Variants in OAS1 observed in about 807,000 individuals in gnomAD.
The protein encoded by OAS1 is 2'-5'-oligoadenylate synthetase 1.
Under a neutral mutation model 38.5 loss-of-function variants are expected in OAS1, and 24 were observed. The ratio of observed to expected loss-of-function variants is 0.62; its 90% CI spans 0.45 to 0.88. OAS1 has a LOEUF of 0.88. OAS1 is among the 40% of genes least tolerant of loss of function. The pLI is 0.00. For missense variants in OAS1, 482 were observed against 493.9 expected, an observed-to-expected ratio of 0.98 and a Z score of 0.23; for synonymous variants, 169 against 193.9, an observed-to-expected ratio of 0.87 and a Z score of 1.07.
intron 5 of OAS1, chr12:112,919,023 T>C: frequency 3.5e-6 from 1 of 286,486 alleles, no homozygotes; most frequent in Non-Finnish European, 6.8e-6. Flanking sequence ...TGAACAGGGA[T>C]GCAGAGCGAA....
intron 1 of OAS1, among the ~76,000 whole-genome samples, 163 bp from the exon 2 acceptor site, chr12:112,908,373 C>T (rs1040820557): frequency 6.6e-6 from 1 of 152,158 alleles, no homozygotes; most frequent in Non-Finnish European, 1.5e-5. Flanking sequence ...ATGATAATGG[C>T]ATCCAAATCA....
At chr12:112,917,051 A>G in intron 4 of OAS1, 1 of 368,242 alleles carries the variant, frequency 2.7e-6, no homozygotes, top group Non-Finnish European at 5.0e-6. Context: ...AGCAGCAACA[A>G]CAATGATAGT....
downstream of OAS1, among the ~76,000 whole-genome samples, chr12:112,922,077 G>A (rs140463327): frequency 5.6e-3 from 846 of 152,226 alleles, 9 homozygotes; most frequent in Admixed American, 0.013. Context: ...ATCTGATGAC[G>A]CTTTTCGTTA....
At chr12:112,907,829 G>A (rs1054188881) in intron 1 of OAS1, 1 of 152,482 alleles carries the variant, frequency 6.6e-6, no homozygotes, top group Non-Finnish European at 1.5e-5. Flanking sequence ...AGCAAAAGAA[G>A]AAAGCTGTCT....
At chr12:112,923,144 C>T (rs1037667533), downstream of OAS1, among the ~76,000 whole-genome samples, 1 of 152,168 alleles carries the variant, frequency 6.6e-6, no homozygotes, top group East Asian at 1.9e-4. Flanking sequence ...TTTATAGTTG[C>T]TTTGGTTGTT....
chr12:112,927,994 C>T (rs1488590185), intron 6 of OAS1, among the ~76,000 whole-genome samples: 1 of 152,158 alleles, frequency 6.6e-6, no homozygotes, highest in Admixed American at 6.5e-5. Flanking sequence ...GATGCCTGTC[C>T]CTCTCCTGGT....
intron 6 of OAS1, among the ~76,000 whole-genome samples, chr12:112,929,590 T>G (rs894202569): frequency 3.3e-5 from 5 of 152,234 alleles, no homozygotes; most frequent in African/African-American, 9.6e-5. Flanking sequence ...CCAAACACTT[T>G]GTAAATGTTA....
At chr12:112,907,243 G>T (rs1448045027) in intron 1 of OAS1, 24 bp downstream of exon 1, 1 of 1,609,550 alleles carries the variant, frequency 6.2e-7, no homozygotes, top group Admixed American at 1.7e-5. Context: ...TGCCTGGCCA[G>T]GGGAGGGGTG....
At position 112,911,134 on chromosome 12, in the gene OAS1, G is replaced by T. The variant is rs766882379; in HGVS notation, c.553G>T (p.Glu185Ter). 1 of 1,614,068 alleles carries T rather than the reference G, an allele frequency of 6.2e-7. No homozygotes were observed. The highest frequency in any genetic ancestry group is 1.1e-5 in the South Asian group (1 of 91,076). Residue 185 changes from glutamate (E) to a stop codon, truncating the protein, a stop_gained, in exon 3 of 6, where the codon GAG (glutamate) becomes TAG (stop). Coordinates refer to ENST00000202917, the MANE Select transcript of OAS1 (RefSeq NM_016816.4). LOFTEE classifies it high-confidence loss of function. ...GTGCACCGACCTGCAGAAAGAGGGC[G>T]AGTTCTCCACCTGCTTCACAGAACT... is the stretch of plus-strand genomic sequence containing the variant. ...EECTDLQKEG[E>*]FSTCFTELQR...
chr12:112,914,893 C>A (rs2043435246), intron 3 of OAS1, among the ~76,000 whole-genome samples: 1 of 150,598 alleles, frequency 6.6e-6, no homozygotes, highest in South Asian at 2.1e-4. Flanking sequence ...CTCCCCAATT[C>A]CCCCCACCCC....
At chr12:112,925,937 T>C (rs1452578031) in intron 6 of OAS1, among the ~76,000 whole-genome samples, 1 of 152,194 alleles carries the variant, frequency 6.6e-6, no homozygotes, top group East Asian at 1.9e-4. Context: ...CTTATTATGA[T>C]GATTATTCAA....
Position 112,917,637 on chromosome 12 carries a change from C to A in OAS1, c.975C>A (p.Ala325=). The A allele has an allele frequency of 6.2e-7, 1 of 1,614,222 alleles. No individual in the cohort carries two copies. Among genetic ancestry groups the A allele is most frequent in the Non-Finnish European group, 8.5e-7 (1 of 1,180,038 alleles). ...GGCAGCTGGCACAAGAGGCTGAGGC[C>A]TGGCTGAATTACCCATGCTTTAAGA... ...GWRQLAQEAE[A]WLNYPCFKNW... is the part of the protein sequence containing the mutation. Residue 325 remains alanine (A), a synonymous_variant, in exon 5 of 6, where the codon GCC becomes GCA. Transcript: ENST00000202917.
chr12:112,928,988 T>C (rs933341528), intron 6 of OAS1, among the ~76,000 whole-genome samples: 3 of 152,202 alleles, frequency 2.0e-5, no homozygotes, highest in Non-Finnish European at 2.9e-5. Context: ...CCAGGGCCTC[T>C]ACATCTCTCC....
chr12:112,923,153 T>C (rs1347368411), downstream of OAS1, among the ~76,000 whole-genome samples: 3 of 152,260 alleles, frequency 2.0e-5, no homozygotes, highest in Non-Finnish European at 4.4e-5. Flanking sequence ...GCTTTGGTTG[T>C]TTCCACTTGA....
Position 112,916,637 on chromosome 12 carries a change from A to G in OAS1, c.783A>G (p.Leu261=), listed in dbSNP as rs1210836234. 2 of 1,614,200 alleles carry G rather than the reference A, an allele frequency of 1.2e-6. No individual in the cohort carries two copies. The highest frequency in any genetic ancestry group is 1.1e-5 in the South Asian group (1 of 91,086). The change falls in exon 4 of 6, where the codon TTA becomes TTG. Residue 261 remains leucine (L), a synonymous_variant. Transcript: ENST00000202917. ...AGGGATTTCGGACGGTCTTGGAATTAGTCATAAACTACCAGCAACTCTGCA... is the reference window on the plus strand; with the variant it reads ...AGGGATTTCGGACGGTCTTGGAATTGGTCATAAACTACCAGCAACTCTGCA... ...TAQGFRTVLE[L]VINYQQLCIY...
chr12:112,910,925 C>A, intron 2 of OAS1, 126 bp from the exon 3 acceptor site: 2 of 841,946 alleles, frequency 2.4e-6, no homozygotes, highest in African/African-American at 1.7e-5. Flanking sequence ...GACCTCAAGA[C>A]TTCCCAGCCC....
chr12:112,910,843 T>C (rs2043366076), intron 2 of OAS1, among the ~76,000 whole-genome samples: 1 of 152,058 alleles, frequency 6.6e-6, no homozygotes, highest in Non-Finnish European at 1.5e-5. Context: ...GCTGCCATAG[T>C]TCCGGCGAGT....
At chr12:112,927,827 C>T (rs1362562638) in intron 6 of OAS1, among the ~76,000 whole-genome samples, 2 of 152,176 alleles carry the variant, frequency 1.3e-5, no homozygotes, top group Admixed American at 6.5e-5. Context: ...CAGTTCACAG[C>T]AACCATCTAT....
chr12:112,922,388 G>A (rs1000978235), downstream of OAS1, among the ~76,000 whole-genome samples: 2 of 152,122 alleles, frequency 1.3e-5, no homozygotes, highest in Admixed American at 1.3e-4. Flanking sequence ...AAATTGAGTA[G>A]TGCCCTTTCA....
Sources: gnomAD v4.1 joint callset for allele counts (sites outside exome capture counted in the v4.1 genomes callset) on GRCh38, gnomAD v4.1.1 for gene constraint, MANE v1.5 for transcripts, NCBI Gene and HGNC (gene_info 2026-07-23, HGNC 2026-07-21) for gene names.